Variants in CADPS2 observed in about 807,000 individuals in gnomAD.
CADPS2 encodes calcium dependent secretion activator 2, also known as calcium-dependent secretion activator 2.
CADPS2 carries 93 observed loss-of-function variants against 172.5 expected under a neutral mutation model. The observed-to-expected ratio is 0.54, with a 90% confidence interval of 0.46 to 0.64. The LOEUF (loss-of-function observed/expected upper bound fraction) is 0.64. Ranked by LOEUF, CADPS2 falls within the 30% of genes least tolerant of loss-of-function variation. CADPS2 has a pLI of 0.00. For missense variants in CADPS2, 1,420 were observed against 1,565.9 expected, an observed-to-expected ratio of 0.91 and a Z score of 1.57; for synonymous variants, 546 against 555.2, an observed-to-expected ratio of 0.98 and a Z score of 0.23.
intron 8 of CADPS2, among the ~76,000 whole-genome samples, chr7:122,534,223 G>A (rs891897983): frequency 2.6e-5 from 4 of 151,756 alleles, no homozygotes; most frequent in Admixed American, 1.3e-4. Context: ...TTAATATGAG[G>A]GATTTTGTTT....
At chr7:122,592,019 G>A (rs542519814) in intron 6 of CADPS2, among the ~76,000 whole-genome samples, 199 of 152,162 alleles carry the variant, frequency 1.3e-3, no homozygotes, top group African/African-American at 4.5e-3. Flanking sequence ...CTTCTGCACA[G>A]CAAAAGAAAC....
chr7:122,678,244 T>C (rs1005868881), intron 2 of CADPS2, among the ~76,000 whole-genome samples: 2 of 152,212 alleles, frequency 1.3e-5, no homozygotes, highest in African/African-American at 4.8e-5. Context: ...TTTAATATTC[T>C]AATAGTTGAA....
At chr7:122,581,440 T>C (rs1478983440) in intron 6 of CADPS2, 150 bp from the exon 7 acceptor site, 3 of 618,626 alleles carry the variant, frequency 4.8e-6, no homozygotes, top group Non-Finnish European at 8.6e-6. Context: ...GATGGCACAA[T>C]CAAGAAGGAA....
intron 7 of CADPS2, among the ~76,000 whole-genome samples, chr7:122,563,788 G>A (rs2066054019): frequency 6.6e-6 from 1 of 152,062 alleles, no homozygotes; most frequent in South Asian, 2.1e-4. Flanking sequence ...ATAAAGTTAT[G>A]GCAAAATGTT....
intron 8 of CADPS2, among the ~76,000 whole-genome samples, chr7:122,525,455 C>T (rs776845011): frequency 6.6e-6 from 1 of 152,166 alleles, no homozygotes; most frequent in Non-Finnish European, 1.5e-5. Context: ...TGTGACCAAT[C>T]TTGTCGGTAG....
intron 24 of CADPS2, among the ~76,000 whole-genome samples, chr7:122,385,495 T>G (rs2043521234): frequency 6.6e-6 from 1 of 151,966 alleles, no homozygotes; most frequent in Non-Finnish European, 1.5e-5. Flanking sequence ...TCACCCTGAG[T>G]TTGATTCCCA....
At chr7:122,496,303 A>C (rs2058727313) in intron 9 of CADPS2, among the ~76,000 whole-genome samples, 1 of 152,104 alleles carries the variant, frequency 6.6e-6, no homozygotes. Context: ...CTGGGATCAC[A>C]GGTGTGCGCT....
chr7:122,383,494 A>G (rs2043261790), intron 24 of CADPS2, among the ~76,000 whole-genome samples: 1 of 152,128 alleles, frequency 6.6e-6, no homozygotes, highest in African/African-American at 2.4e-5. Flanking sequence ...AGTTGGATTG[A>G]TAATCTTAGA....
At chr7:122,725,902 A>T (rs2091033644) in intron 2 of CADPS2, among the ~76,000 whole-genome samples, 1 of 151,816 alleles carries the variant, frequency 6.6e-6, no homozygotes, top group African/African-American at 2.4e-5. Context: ...CGCCTGGATG[A>T]CACCTCACAG....
intron 1 of CADPS2, among the ~76,000 whole-genome samples, chr7:122,860,836 T>C (rs1003622194): frequency 6.6e-6 from 1 of 152,174 alleles, no homozygotes; most frequent in African/African-American, 2.4e-5. Context: ...GCAGTATTTG[T>C]CCCTCTATGC....
intron 15 of CADPS2, among the ~76,000 whole-genome samples, chr7:122,450,863 T>C (rs2053001939): frequency 6.6e-6 from 1 of 152,092 alleles, no homozygotes; most frequent in Admixed American, 6.6e-5. Flanking sequence ...CAAGGAATGG[T>C]GCTAGGTGCT....
At chr7:122,642,534 G>A (rs2077778097) in intron 3 of CADPS2, among the ~76,000 whole-genome samples, 1 of 125,468 alleles carries the variant, frequency 8.0e-6, no homozygotes, top group African/African-American at 3.1e-5. Flanking sequence ...TAACTACTAA[G>A]TTTCACCCAA....
chr7:122,430,842 C>G (rs1245598051), intron 17 of CADPS2, among the ~76,000 whole-genome samples: 1 of 152,136 alleles, frequency 6.6e-6, no homozygotes, highest in Non-Finnish European at 1.5e-5. Context: ...TCCTTTTATT[C>G]TGCAAATTTG....
At chr7:122,386,993 G>A (rs1161508070) in intron 24 of CADPS2, 33 bp downstream of exon 24, 1 of 1,548,102 alleles carries the variant, frequency 6.5e-7, no homozygotes. Flanking sequence ...GGCACCCTGT[G>A]CTGCCTTTCC....
At chr7:122,726,828 G>A (rs767463528) in intron 2 of CADPS2, among the ~76,000 whole-genome samples, 1 of 148,832 alleles carries the variant, frequency 6.7e-6, no homozygotes, top group Non-Finnish European at 1.5e-5. Flanking sequence ...GAATGAGGTG[G>A]ATAACTAACT....
intron 1 of CADPS2, among the ~76,000 whole-genome samples, chr7:122,802,556 C>T (rs1797886508): frequency 6.6e-6 from 1 of 152,162 alleles, no homozygotes; most frequent in Non-Finnish European, 1.5e-5. Flanking sequence ...CAAACTGTGA[C>T]CATCTCATCT....
intron 6 of CADPS2, among the ~76,000 whole-genome samples, chr7:122,606,871 C>A (rs2073632435): frequency 6.6e-6 from 1 of 151,766 alleles, no homozygotes; most frequent in African/African-American, 2.4e-5. Context: ...AATCAGTAGC[C>A]CAGGGGAAGA....
chr7:122,535,242 G>T (rs1174448641), intron 8 of CADPS2, among the ~76,000 whole-genome samples: 1 of 152,052 alleles, frequency 6.6e-6, no homozygotes, highest in East Asian at 1.9e-4. Flanking sequence ...TCAGACAAGT[G>T]AGTTCAAATC....
chr7:122,462,738 A>T lies in CADPS2; in HGVS notation c.2186+8637T>A, dbSNP rs73717654. Reference sequence around the variant, plus strand: ...ATCACCTACATATCATGCAAAAATCATTATTAGTTATGATGATCATCACCA... The same window carrying T: ...ATCACCTACATATCATGCAAAAATCTTTATTAGTTATGATGATCATCACCA... On this transcript the variant is annotated intron_variant, in intron 14 of 29. Coordinates refer to ENST00000449022, the MANE Select transcript of CADPS2 (RefSeq NM_017954.11). 5.0e-3 allele frequency among the ~76,000 whole-genome samples: 766 copies of T among 152,330 alleles called. 4 individuals carry two copies. Among genetic ancestry groups the T allele is most frequent in the African/African-American group, 0.018 (740 of 41,574 alleles).
Sources: gnomAD v4.1 joint callset for allele counts (sites outside exome capture counted in the v4.1 genomes callset) on GRCh38, gnomAD v4.1.1 for gene constraint, MANE v1.5 for transcripts, NCBI Gene and HGNC (gene_info 2026-07-23, HGNC 2026-07-21) for gene names.